The following PKIB variants were observed in gnomAD, a reference collection of about 807,000 sequenced individuals.
PKIB encodes the protein PKI-beta.
Under a neutral mutation model 4.5 loss-of-function variants are expected in PKIB, and 2 were observed. That is an observed-to-expected ratio of 0.44 (90% CI 0.18 to 1.39). The LOEUF is 1.39. PKIB is among the 40% of genes most tolerant of loss of function. The pLI is 0.27. For synonymous variants in PKIB, 38 were observed against 36.0 expected, an observed-to-expected ratio of 1.06 and a Z score of -0.20; for missense variants, 94 against 92.6, an observed-to-expected ratio of 1.02 and a Z score of -0.06.
intron 2 of PKIB, among the ~76,000 whole-genome samples, chr6:122,520,380 T>A (rs1265759018): frequency 2.0e-5 from 3 of 152,192 alleles, no homozygotes; most frequent in Admixed American, 6.5e-5. Flanking sequence ...CTGATTTTGT[T>A]GCATTCTGAT....
chr6:122,587,933 A>C (rs1773899870), intron 3 of PKIB, among the ~76,000 whole-genome samples: 1 of 152,220 alleles, frequency 6.6e-6, no homozygotes, highest in Admixed American at 6.5e-5. Flanking sequence ...GCCCTTTGTC[A>C]GATGAGTAGA....
rs186584565 is a variant in PKIB at position 122,707,599 on chromosome 6, G to A, written c.-8-10188G>A. Among the ~76,000 whole-genome samples the A allele has an allele frequency of 1.2e-4, 18 of 152,024 alleles. No individual in the cohort carries two copies. In the East Asian group the frequency reaches 1.9e-3, roughly 16 times the overall value. On this transcript the variant is annotated intron_variant, in intron 3 of 4. Transcript: ENST00000368452. ...TACTCAGCCATGTTCCTTGCTTTTT[G>A]GCTATGCATATTTTACATAGTTGGT...
intron 3 of PKIB, among the ~76,000 whole-genome samples, chr6:122,703,894 A>C (rs1236330408): frequency 2.0e-5 from 3 of 149,382 alleles, no homozygotes; most frequent in Non-Finnish European, 3.0e-5. Flanking sequence ...CTCGCTCTCT[A>C]TATAAAAAAC....
chr6:122,596,426 C>G (rs1774180094), intron 3 of PKIB, among the ~76,000 whole-genome samples: 1 of 152,170 alleles, frequency 6.6e-6, no homozygotes, highest in Non-Finnish European at 1.5e-5. Flanking sequence ...GCCTTCAGGA[C>G]CTGCCCAAGC....
rs1470091484 is a variant in PKIB, at chr6:122,539,676, G to C, written c.-247-46245G>C. On this transcript the variant is annotated intron_variant, in intron 2 of 6. Coordinates refer to the PKIB transcript ENST00000392491. Reference sequence around the variant, plus strand: ...CTGTGTCTCTGCCAGGCTTTGGTATGAGGATGATGCTGGCCTCATAAAATG... The same window carrying C: ...CTGTGTCTCTGCCAGGCTTTGGTATCAGGATGATGCTGGCCTCATAAAATG... Among the ~76,000 whole-genome samples, 20 of 152,032 alleles carry C rather than the reference G, an allele frequency of 1.3e-4. No homozygotes were observed. The East Asian group carries it at 3.3e-3, about 25-fold the overall frequency.
intron 2 of PKIB, among the ~76,000 whole-genome samples, chr6:122,661,485 T>C (rs1478205163): frequency 6.6e-6 from 1 of 152,250 alleles, no homozygotes; most frequent in Non-Finnish European, 1.5e-5. Context: ...TTTAGCATAA[T>C]GTTTTCCAGG....
chr6:122,531,040 T>G (rs930580496), intron 2 of PKIB: 1 of 152,230 alleles, frequency 6.6e-6, no homozygotes, highest in Non-Finnish European at 1.5e-5. Flanking sequence ...AGGAGAACTT[T>G]TAGCTTTCTA....
At chr6:122,655,018 C>T (rs1776711217) in intron 2 of PKIB, among the ~76,000 whole-genome samples, 2 of 151,084 alleles carry the variant, frequency 1.3e-5, no homozygotes, top group Admixed American at 6.6e-5. Context: ...ACTCTTTTGC[C>T]CAGGCTTTGC....
intron 2 of PKIB, among the ~76,000 whole-genome samples, chr6:122,527,558 GGGATTAACT>G (rs915447314): frequency 9.2e-5 from 14 of 152,138 alleles, no homozygotes; most frequent in Non-Finnish European, 1.8e-4. Context: ...AGAGAGATAA[GGGATTAACT>G]GGTCAGCAGA....
chr6:122,518,302 G>A (rs1582671279), intron 2 of PKIB, among the ~76,000 whole-genome samples: 1 of 152,146 alleles, frequency 6.6e-6, no homozygotes, highest in African/African-American at 2.4e-5. Flanking sequence ...TGCTTTAAGA[G>A]TTCAAGATTT....
chr6:122,639,468 C>T (rs1776046188), intron 2 of PKIB, among the ~76,000 whole-genome samples: 1 of 152,164 alleles, frequency 6.6e-6, no homozygotes, highest in African/African-American at 2.4e-5. Context: ...ATTCCATTTA[C>T]CCTGTGCCCT....
At chr6:122,702,703 C>T (rs1040044063) in intron 3 of PKIB, among the ~76,000 whole-genome samples, 1 of 151,746 alleles carries the variant, frequency 6.6e-6, no homozygotes, top group Non-Finnish European at 1.5e-5. Flanking sequence ...GAGAAAGATT[C>T]GACAAAAACG....
At chr6:122,568,140 A>G (rs994398082) in intron 2 of PKIB, among the ~76,000 whole-genome samples, 2 of 152,068 alleles carry the variant, frequency 1.3e-5, no homozygotes, top group South Asian at 2.1e-4. Flanking sequence ...CATTGCATTT[A>G]TAATAAAAAA....
intron 2 of PKIB, among the ~76,000 whole-genome samples, chr6:122,637,314 TCTGA>T (rs1053368655): frequency 1.3e-5 from 2 of 152,204 alleles, no homozygotes; most frequent in Non-Finnish European, 2.9e-5. Context: ...ATCAATAAAT[TCTGA>T]CTAACATTCC....
At chr6:122,553,533 T>C (rs1450443187) in intron 2 of PKIB, among the ~76,000 whole-genome samples, 1 of 139,990 alleles carries the variant, frequency 7.1e-6, no homozygotes, top group Admixed American at 7.8e-5. Flanking sequence ...CTCTTCGCTC[T>C]CATGAAATGA....
intron 2 of PKIB, among the ~76,000 whole-genome samples, chr6:122,503,485 G>C (rs560093569): frequency 6.6e-6 from 1 of 152,108 alleles, no homozygotes; most frequent in Non-Finnish European, 1.5e-5. Context: ...TTATATTTCA[G>C]CGTGACTGAG....
chr6:122,581,465 A>G (rs1287944511), intron 2 of PKIB, among the ~76,000 whole-genome samples: 9 of 152,168 alleles, frequency 5.9e-5, no homozygotes, highest in African/African-American at 2.4e-5. Flanking sequence ...ATTAATGCAA[A>G]TTACTTGGTC....
intron 1 of PKIB, among the ~76,000 whole-genome samples, chr6:122,625,533 T>C (rs1234877589): frequency 6.6e-6 from 1 of 151,990 alleles, no homozygotes; most frequent in Non-Finnish European, 1.5e-5. Flanking sequence ...AAGACTTTGG[T>C]AAACCAAGTC....
chr6:122,674,743 G>A (rs970760950), intron 2 of PKIB, among the ~76,000 whole-genome samples: 5 of 151,970 alleles, frequency 3.3e-5, no homozygotes, highest in African/African-American at 1.2e-4. Flanking sequence ...TTTTTATGTG[G>A]CTACAAATAT....
Sources: allele counts gnomAD v4.1 joint callset (sites outside exome capture counted in the v4.1 genomes callset), GRCh38; gene constraint gnomAD v4.1.1; transcripts MANE v1.5; gene names NCBI Gene and HGNC (gene_info 2026-07-23, HGNC 2026-07-21).